The following FHIT variants were observed in gnomAD, a reference collection of about 807,000 sequenced individuals.
FHIT encodes fragile histidine triad diadenosine triphosphatase, also known as bis(5'-adenosyl)-triphosphatase.
A neutral mutation model predicts 17.9 loss-of-function variants in FHIT; 19 were observed. The observed-to-expected ratio is 1.06, with a 90% CI of 0.74 to 1.56. The LOEUF (loss-of-function observed/expected upper bound fraction) is 1.56, where lower values mean the gene tolerates loss of function less well. Among genes scored for constraint, FHIT ranks in the 40% most tolerant of loss-of-function variants. The pLI is 0.00. For synonymous variants in FHIT, 81 were observed against 69.7 expected (o/e 1.16, Z -0.81); for missense variants, 248 against 189.2 (o/e 1.31, Z -1.82).
chr3:60,805,759 CCGTG>C (rs1237918654), intron 4 of FHIT, among the ~76,000 whole-genome samples: 5 of 152,016 alleles, frequency 3.3e-5, no homozygotes, highest in Non-Finnish European at 5.9e-5. Flanking sequence ...TGGGGTTTCA[CCGTG>C]TTAGCCAGGA....
chr3:60,956,713 C>A (rs1371269376), intron 3 of FHIT, among the ~76,000 whole-genome samples: 1 of 152,090 alleles, frequency 6.6e-6, no homozygotes, highest in Non-Finnish European at 1.5e-5. Flanking sequence ...ATGATGCTGA[C>A]CAGGTGTAAA....
intron 5 of FHIT, among the ~76,000 whole-genome samples, chr3:60,048,029 C>G (rs1701721268): frequency 6.6e-6 from 1 of 152,150 alleles, no homozygotes; most frequent in African/African-American, 2.4e-5. Flanking sequence ...CTCCTGAGGC[C>G]TCTCTCTCCC....
chr3:60,896,823 T>C (rs1432139768), intron 3 of FHIT, among the ~76,000 whole-genome samples: 1 of 152,208 alleles, frequency 6.6e-6, no homozygotes, highest in Admixed American at 6.5e-5. Context: ...TTTCGGAATA[T>C]ACAAACCATG....
intron 5 of FHIT, among the ~76,000 whole-genome samples, chr3:60,530,370 G>A (rs924990818): frequency 1.3e-5 from 2 of 152,272 alleles, no homozygotes; most frequent in Non-Finnish European, 1.5e-5. Context: ...AGGGGCCAGG[G>A]CAAAGTGCAC....
intron 5 of FHIT, among the ~76,000 whole-genome samples, chr3:60,108,453 C>A (rs187545979): frequency 6.6e-6 from 1 of 151,992 alleles, no homozygotes. Flanking sequence ...TTATTTCATG[C>A]CTATCTAGTA....
At chr3:60,758,306 T>A (rs1699520034) in intron 4 of FHIT, among the ~76,000 whole-genome samples, 1 of 152,232 alleles carries the variant, frequency 6.6e-6, no homozygotes, top group Non-Finnish European at 1.5e-5. Context: ...TACTGCACTC[T>A]GTCTTGTAGT....
intron 2 of FHIT, among the ~76,000 whole-genome samples, chr3:61,112,968 A>C (rs17687956): frequency 0.1 from 14,932 of 148,354 alleles, 787 homozygotes; most frequent in South Asian, 0.19. Flanking sequence ...AGATGTCTTC[A>C]TTCATGGCCT....
At chr3:61,137,193 C>T (rs996180480) in intron 2 of FHIT, among the ~76,000 whole-genome samples, 9 of 151,870 alleles carry the variant, frequency 5.9e-5, no homozygotes, top group African/African-American at 1.9e-4. Flanking sequence ...ATATCATATC[C>T]CTGCTCCTTC....
At chr3:60,295,132 C>G (rs554549306) in intron 5 of FHIT, among the ~76,000 whole-genome samples, 1 of 152,052 alleles carries the variant, frequency 6.6e-6, no homozygotes, top group Non-Finnish European at 1.5e-5. Flanking sequence ...GGCCTGTAGT[C>G]CCAGCTACTC....
At chr3:60,557,594 T>A (rs1158318323) in intron 4 of FHIT, among the ~76,000 whole-genome samples, 1 of 151,596 alleles carries the variant, frequency 6.6e-6, no homozygotes, top group Non-Finnish European at 1.5e-5. Flanking sequence ...TCCTTAGCTC[T>A]CTACATGGCT....
rs370303485 is a variant in FHIT, at chr3:59,908,384, T to C, written c.348+13962A>G. 2.9e-3 allele frequency among the ~76,000 whole-genome samples: 436 copies of C among 152,308 alleles called. 3 individuals carry two copies. Among genetic ancestry groups the C allele is most frequent in the African/African-American group, 9.7e-3 (405 of 41,578 alleles). ...AACAGACAAGTTTTTTTTGAGCCCA[T>C]GAGAAGAACTCTGACAAGCTGGCAA... On this transcript the variant is annotated intron_variant, in intron 8 of 9. Coordinates refer to ENST00000492590, the MANE Select transcript of FHIT (RefSeq NM_002012.4).
intron 5 of FHIT, chr3:60,077,267 G>C (rs551331901): frequency 6.6e-6 from 1 of 151,964 alleles, no homozygotes; most frequent in East Asian, 1.9e-4. Context: ...TATATATATA[G>C]TATGTGTATA....
chr3:60,048,184 T>C (rs981672304), intron 5 of FHIT, among the ~76,000 whole-genome samples: 2 of 152,102 alleles, frequency 1.3e-5, no homozygotes, highest in Admixed American at 1.3e-4. Flanking sequence ...CTTTCTTTGT[T>C]TTCTTCTTTT....
At chr3:60,068,812 A>G (rs937417682) in intron 5 of FHIT, among the ~76,000 whole-genome samples, 8 of 152,240 alleles carry the variant, frequency 5.3e-5, no homozygotes, top group African/African-American at 1.7e-4. Context: ...GATTGAATAG[A>G]AATGCTATTC....
chr3:59,868,197 T>C (rs1702748394), intron 8 of FHIT, among the ~76,000 whole-genome samples: 1 of 152,280 alleles, frequency 6.6e-6, no homozygotes, highest in African/African-American at 2.4e-5. Flanking sequence ...TTTCTCTGCA[T>C]TGCAGTACAC....
chr3:60,135,089 G>A (rs1029998996), intron 5 of FHIT, among the ~76,000 whole-genome samples: 7 of 152,146 alleles, frequency 4.6e-5, no homozygotes, highest in South Asian at 2.1e-4. Flanking sequence ...GGCAAAGTCA[G>A]AGGACACTCA....
chr3:61,032,070 A>AT (rs2033034442), intron 3 of FHIT, among the ~76,000 whole-genome samples: 1 of 152,212 alleles, frequency 6.6e-6, no homozygotes, highest in African/African-American at 2.4e-5. Context: ...CAACCAAATT[A>AT]TTACCAACGT....
At chr3:60,360,368 G>T (rs1260404656) in intron 5 of FHIT, among the ~76,000 whole-genome samples, 2 of 151,984 alleles carry the variant, frequency 1.3e-5, no homozygotes, top group African/African-American at 4.8e-5. Flanking sequence ...ATAATGCTAA[G>T]AAAGAGAAAA....
At chr3:60,829,108 A>ATCTAACAACTATGTGACAAGCACCTAC (rs1702227635) in intron 3 of FHIT, among the ~76,000 whole-genome samples, 1 of 152,186 alleles carries the variant, frequency 6.6e-6, no homozygotes, top group Non-Finnish European at 1.5e-5. Context: ...GCTCAATTAA[A>ATCTAACAACTATGTGACAAGCACCTAC]TCTAACAACT....
Sources: gnomAD v4.1 joint callset for allele counts (sites outside exome capture counted in the v4.1 genomes callset) on GRCh38, gnomAD v4.1.1 for gene constraint, MANE v1.5 for transcripts, NCBI Gene and HGNC (gene_info 2026-07-23, HGNC 2026-07-21) for gene names.